PTPRR: variants seen among roughly 807,000 people sequenced by gnomAD.
PTPRR encodes the protein protein tyrosine phosphatase receptor type R, also known as receptor-type tyrosine-protein phosphatase R.
A neutral mutation model predicts 77.2 loss-of-function variants in PTPRR; 38 were observed. The ratio of observed to expected loss-of-function variants is 0.49; its 90% CI spans 0.38 to 0.65. The LOEUF is 0.65. Ranked by LOEUF, PTPRR falls within the 30% of genes least tolerant of loss-of-function variation. The probability of loss-of-function intolerance (pLI) is 0.00; values close to 1 mark genes in which losing one functional copy is unlikely to be tolerated. For synonymous variants in PTPRR, 299 were observed against 283.1 expected, an observed-to-expected ratio of 1.06 and a Z score of -0.57; for missense variants, 744 against 799.2, an observed-to-expected ratio of 0.93 and a Z score of 0.83.
intron 2 of PTPRR, among the ~76,000 whole-genome samples, chr12:70,766,278 C>T (rs893947812): frequency 1.3e-5 from 2 of 152,190 alleles, no homozygotes; most frequent in South Asian, 4.1e-4. Context: ...AAAATTTAGA[C>T]AAATGTATAA....
At chr12:70,657,854 C>T (rs749776214) in intron 12 of PTPRR, among the ~76,000 whole-genome samples, 3 of 152,236 alleles carry the variant, frequency 2.0e-5, no homozygotes, top group Non-Finnish European at 2.9e-5. Context: ...TCATGCTTTC[C>T]TTTCTATAGA....
At chr12:70,725,139 G>C (rs983281019) in intron 6 of PTPRR, among the ~76,000 whole-genome samples, 1 of 152,064 alleles carries the variant, frequency 6.6e-6, no homozygotes, top group African/African-American at 2.4e-5. Flanking sequence ...AGCATGAAGA[G>C]ACAGGGCTGG....
chr12:70,786,190 A>C (rs1215133067), intron 2 of PTPRR, among the ~76,000 whole-genome samples: 1 of 152,192 alleles, frequency 6.6e-6, no homozygotes, highest in Non-Finnish European at 1.5e-5. Flanking sequence ...TCTAATCATC[A>C]CAGCCCTGAC....
intron 2 of PTPRR, among the ~76,000 whole-genome samples, chr12:70,811,074 A>T (rs1475097912): frequency 2.6e-5 from 4 of 152,160 alleles, no homozygotes; most frequent in Admixed American, 6.6e-5. Context: ...GATTCCCTAT[A>T]ATAAAACCTC....
rs946240043 is a variant in PTPRR at position 70,684,398 on chromosome 12, T to C, written c.1360-134A>G. On this transcript the variant is annotated intron_variant, in intron 9 of 13. Transcript: ENST00000283228. ...CAGGTTACGGCTTCACTGACTCTAG[T>C]ACAACAATTTCCATGGGTATTTTGG... is the stretch of plus-strand genomic sequence containing the variant. 102 of 930,964 alleles carry C rather than the reference T, an allele frequency of 1.1e-4. No homozygotes were observed. The East Asian group carries it at 2.5e-3, about 23-fold the overall frequency. The allele number at this position is 930,964 out of a possible 1,614,324, so 57.7% of individuals were successfully genotyped here. A position where few individuals can be genotyped will look rare whatever the true frequency, so the allele number is the denominator to read the frequency against.
chr12:70,732,469 C>A (rs1889694553), intron 6 of PTPRR, among the ~76,000 whole-genome samples: 1 of 152,262 alleles, frequency 6.6e-6, no homozygotes, highest in Non-Finnish European at 1.5e-5. Context: ...CTCCAAGGGG[C>A]TCCCTCTCGA....
intron 2 of PTPRR, among the ~76,000 whole-genome samples, chr12:70,777,216 T>G (rs1891109313): frequency 6.6e-6 from 1 of 152,112 alleles, no homozygotes; most frequent in African/African-American, 2.4e-5. Context: ...TTCTTATTTT[T>G]AACAGATTAG....
intron 8 of PTPRR, among the ~76,000 whole-genome samples, chr12:70,697,851 G>A (rs1888283408): frequency 6.6e-6 from 1 of 152,022 alleles, no homozygotes; most frequent in African/African-American, 2.4e-5. Context: ...ATAATGTGTG[G>A]CACAACAAAA....
intron 13 of PTPRR, among the ~76,000 whole-genome samples, chr12:70,652,987 G>A (rs1592636941): frequency 2.0e-5 from 3 of 152,148 alleles, no homozygotes; most frequent in African/African-American, 4.8e-5. Context: ...TTTTCAGCAC[G>A]TTCTTCCAAA....
At chr12:70,811,732 C>T (rs900423522) in intron 2 of PTPRR, among the ~76,000 whole-genome samples, 1 of 152,220 alleles carries the variant, frequency 6.6e-6, no homozygotes, top group African/African-American at 2.4e-5. Flanking sequence ...GCAGTAAGAT[C>T]TATTGCCATG....
chr12:70,715,920 T>C (rs1054202421), intron 6 of PTPRR, among the ~76,000 whole-genome samples: 18 of 152,188 alleles, frequency 1.2e-4, no homozygotes, highest in Non-Finnish European at 2.4e-4. Flanking sequence ...AAGACAGGCA[T>C]AGGAAATCAC....
At chr12:70,640,322 C>T (rs1403351413) in intron 13 of PTPRR, among the ~76,000 whole-genome samples, 2 of 151,810 alleles carry the variant, frequency 1.3e-5, no homozygotes, top group Non-Finnish European at 2.9e-5. Flanking sequence ...ACAGGCACCA[C>T]CACACCTGGA....
chr12:70,737,019 T>C (rs1470733718), intron 6 of PTPRR, among the ~76,000 whole-genome samples: 1 of 152,150 alleles, frequency 6.6e-6, no homozygotes, highest in Non-Finnish European at 1.5e-5. Flanking sequence ...GAGGGTAGCC[T>C]GTTAGTGGTG....
chr12:70,681,342 C>T (rs946978218), intron 10 of PTPRR, among the ~76,000 whole-genome samples: 78 of 152,328 alleles, frequency 5.1e-4, no homozygotes, highest in African/African-American at 1.9e-3. Context: ...GGCTCCTTCT[C>T]TGGGGCATTG....
chr12:70,767,988 C>T (rs1035899675), intron 2 of PTPRR, among the ~76,000 whole-genome samples: 1 of 151,778 alleles, frequency 6.6e-6, no homozygotes, highest in African/African-American at 2.4e-5. Context: ...CACAACATAC[C>T]AGAATCTCTG....
At chr12:70,675,931 C>T (rs1013702882) in intron 10 of PTPRR, among the ~76,000 whole-genome samples, 1 of 150,604 alleles carries the variant, frequency 6.6e-6, no homozygotes, top group Non-Finnish European at 1.5e-5. Context: ...GGAGTAATTA[C>T]TTTCTTTGGT....
At chr12:70,914,947 T>C (rs1215816106) in intron 1 of PTPRR, among the ~76,000 whole-genome samples, 1 of 152,214 alleles carries the variant, frequency 6.6e-6, no homozygotes, top group East Asian at 1.9e-4. Context: ...GATGGAAATG[T>C]GGATTTTGGA....
chr12:70,679,155 C>A lies in PTPRR; in HGVS notation c.1497+4972G>T, dbSNP rs140186308. The stretch of plus-strand genomic sequence containing the variant: ...TTTGTCTCAAGGAATTTTTAAGTGT[C>A]CCTTTTAATGTCTTCATTGATCCAT... On this transcript the variant is annotated intron_variant, in intron 10 of 13. Coordinates refer to ENST00000283228, the MANE Select transcript of PTPRR (RefSeq NM_002849.4). 4.2e-3 allele frequency among the ~76,000 whole-genome samples: 641 copies of A among 152,188 alleles called. 3 individuals are homozygous for A. The highest frequency in any genetic ancestry group is 0.015 in the African/African-American group (620 of 41,516).
chr12:70,723,720 A>T (rs1889339547), intron 6 of PTPRR, among the ~76,000 whole-genome samples: 1 of 152,108 alleles, frequency 6.6e-6, no homozygotes, highest in African/African-American at 2.4e-5. Context: ...TGTTTTTTTT[A>T]AAGATTTTTC....
Sources: gnomAD v4.1 joint callset for allele counts (sites outside exome capture counted in the v4.1 genomes callset) on GRCh38, gnomAD v4.1.1 for gene constraint, MANE v1.5 for transcripts, NCBI Gene and HGNC (gene_info 2026-07-23, HGNC 2026-07-21) for gene names.